Variants in PATJ observed in about 807,000 individuals in gnomAD.
PATJ encodes the protein inaD-like protein.
A neutral mutation model predicts 224.9 loss-of-function variants in PATJ; 190 were observed. The ratio of observed to expected loss-of-function variants is 0.84; its 90% CI spans 0.75 to 0.95. PATJ has a LOEUF of 0.95. Among genes scored for constraint, PATJ ranks in the 40% least tolerant of loss-of-function variants. The pLI is 0.00. For synonymous variants in PATJ, 769 were observed against 820.3 expected, an observed-to-expected ratio of 0.94 and a Z score of 1.07; for missense variants, 2,121 against 2,270.3, an observed-to-expected ratio of 0.93 and a Z score of 1.34.
intron 19 of PATJ, among the ~76,000 whole-genome samples, chr1:61,862,961 T>A (rs1290310634): frequency 6.6e-6 from 1 of 151,604 alleles, no homozygotes; most frequent in African/African-American, 2.4e-5. Context: ...CATAACCATA[T>A]GATGTGTTCA....
chr1:61,838,521 ATTTTTTT>A (rs34877280), intron 17 of PATJ, among the ~76,000 whole-genome samples: 62 of 115,556 alleles, frequency 5.4e-4, no homozygotes, highest in Admixed American at 1.8e-3. Context: ...CGCCTGGCTA[ATTTTTTT>A]TTTTTTTTTT....
At chr1:62,059,541 C>G (rs987898203) in intron 31 of PATJ, among the ~76,000 whole-genome samples, 1 of 151,584 alleles carries the variant, frequency 6.6e-6, no homozygotes, top group African/African-American at 2.4e-5. Context: ...CGCTTGAACC[C>G]GGGAGACGGA....
intron 1 of PATJ, among the ~76,000 whole-genome samples, chr1:61,746,696 C>T (rs189425755): frequency 4.6e-5 from 7 of 151,958 alleles, no homozygotes; most frequent in Admixed American, 3.9e-4. Context: ...TTAATGAAAC[C>T]GTAATAAGTT....
intron 12 of PATJ, among the ~76,000 whole-genome samples, chr1:61,802,030 G>A (rs934553378): frequency 7.3e-5 from 11 of 150,582 alleles, no homozygotes; most frequent in Non-Finnish European, 1.6e-4. Context: ...TTAGTGTGCT[G>A]CACCCATTAA....
At chr1:61,798,228 T>C (rs1413134147) in intron 11 of PATJ, among the ~76,000 whole-genome samples, 1 of 152,160 alleles carries the variant, frequency 6.6e-6, no homozygotes, top group Non-Finnish European at 1.5e-5. Context: ...CAGGTCTCAC[T>C]TTGTTGCCCA....
chr1:62,068,862 G>A (rs1409323611), intron 31 of PATJ, among the ~76,000 whole-genome samples: 1 of 152,176 alleles, frequency 6.6e-6, no homozygotes, highest in East Asian at 1.9e-4. Flanking sequence ...TTTATTTCAT[G>A]AAATGAGATG....
intron 31 of PATJ, among the ~76,000 whole-genome samples, chr1:62,059,713 A>G (rs1655110743): frequency 6.6e-6 from 1 of 152,214 alleles, no homozygotes; most frequent in Non-Finnish European, 1.5e-5. Flanking sequence ...AGAAAATGTC[A>G]AAACTGAAGT....
chr1:62,077,686 C>CAA (rs11439364), intron 31 of PATJ, among the ~76,000 whole-genome samples: 1,282 of 89,100 alleles, frequency 0.014, 38 homozygotes, highest in African/African-American at 0.047. Flanking sequence ...AGACCCTGTC[C>CAA]AAAAAAAAAA....
intron 24 of PATJ, among the ~76,000 whole-genome samples, chr1:61,902,436 G>A (rs920403365): frequency 1.3e-5 from 2 of 151,990 alleles, no homozygotes; most frequent in African/African-American, 4.8e-5. Context: ...GTCATGGGTT[G>A]GAGTCGGAGT....
intron 27 of PATJ, among the ~76,000 whole-genome samples, chr1:61,942,553 C>CTTT (rs57009563): frequency 7.3e-6 from 1 of 137,926 alleles, no homozygotes; most frequent in Non-Finnish European, 1.6e-5. Context: ...TTGGCAGTTT[C>CTTT]TTTTTTTTTT....
chr1:61,791,505 G>A (rs1649860403), intron 9 of PATJ, 58 bp downstream of exon 9: 1 of 1,096,192 alleles, frequency 9.1e-7, no homozygotes. Flanking sequence ...AAGGTTTCTA[G>A]ATAGTGAAAT....
At chr1:61,995,571 C>T (rs1273332144) in intron 28 of PATJ, among the ~76,000 whole-genome samples, 4 of 152,154 alleles carry the variant, frequency 2.6e-5, no homozygotes, top group Non-Finnish European at 5.9e-5. Flanking sequence ...TGCGGGACTG[C>T]ACCATTACAG....
chr1:61,811,928 G>T (rs2148653656), intron 14 of PATJ, among the ~76,000 whole-genome samples: 1 of 151,564 alleles, frequency 6.6e-6, no homozygotes, highest in East Asian at 2.0e-4. Flanking sequence ...GGGCGTGGTG[G>T]CGGGCGCCTG....
In PATJ at chr1:61,801,589, C is replaced by A. The variant is rs748251359; in HGVS notation, c.1403-34C>A. On this transcript the variant is annotated intron_variant, in intron 11 of 43. Coordinates refer to ENST00000642238, the MANE Select transcript of PATJ (RefSeq NM_001350145.3). ...AACTAATAATTCAAGTTAGCATTAA[C>A]AAAATTTTAAAAAATTATTTTTTTT... 8.8e-6 allele frequency: 12 copies of A among 1,367,606 alleles called. No homozygotes were observed. In the Admixed American group the frequency reaches 3.0e-4, roughly 34 times the overall value. 84.7% of individuals were successfully genotyped at this position (1,367,606 alleles called of 1,614,324 possible).
chr1:61,860,478 G>A (rs1386028581), intron 18 of PATJ, among the ~76,000 whole-genome samples: 3 of 152,140 alleles, frequency 2.0e-5, no homozygotes, highest in African/African-American at 4.8e-5. Flanking sequence ...GCAAGGCTAC[G>A]TGTCCTTGTG....
intron 1 of PATJ, among the ~76,000 whole-genome samples, chr1:61,749,081 ATTC>A (rs1297992958): frequency 8.0e-5 from 12 of 150,622 alleles, no homozygotes; most frequent in Non-Finnish European, 1.2e-4. Context: ...GGTTCAAGCA[ATTC>A]TTCTGCCTCA....
rs1646885012 is a variant in PATJ, at chr1:62,018,015, A to G, written c.3959+68A>G. The G allele has an allele frequency of 1.2e-6, 1 of 814,038 alleles. No homozygotes were observed. 50.4% of individuals were successfully genotyped at this position (814,038 alleles called of 1,614,324 possible). A position where few individuals can be genotyped will look rare whatever the true frequency, so the allele number is the denominator to read the frequency against. ...CTGAAGATGTTATTAGTGTAAGACT[A>G]TGTCATCTTTGATTTGTCTAGCGAA... On this transcript the variant is annotated intron_variant, in intron 29 of 43. Transcript: ENST00000642238. The surrounding 1 kb of genome is among the most constrained non-coding windows in gnomAD (Gnocchi z 4.2).
chr1:62,019,545 G>A (rs1646961814), intron 29 of PATJ, among the ~76,000 whole-genome samples: 1 of 151,714 alleles, frequency 6.6e-6, no homozygotes, highest in Non-Finnish European at 1.5e-5. Flanking sequence ...TCCTATATTA[G>A]CATCCTTTTC....
At chr1:61,929,000 T>G (rs570407819) in intron 27 of PATJ, among the ~76,000 whole-genome samples, 39 of 152,326 alleles carry the variant, frequency 2.6e-4, no homozygotes, top group African/African-American at 9.1e-4. Flanking sequence ...TTGCTCCTTT[T>G]GTCTTGATTG....
Sources: allele counts gnomAD v4.1 joint callset (sites outside exome capture counted in the v4.1 genomes callset), GRCh38; gene constraint gnomAD v4.1.1; non-coding constraint Gnocchi (gnomAD v3.1); transcripts MANE v1.5; gene names NCBI Gene and HGNC (gene_info 2026-07-23, HGNC 2026-07-21).